The following CTSC variants were observed in gnomAD, a reference collection of about 807,000 sequenced individuals.
CTSC encodes dipeptidyl peptidase 1.
CTSC carries 37 observed loss-of-function variants against 40.9 expected under a neutral mutation model. The observed-to-expected ratio is 0.91, with a 90% CI of 0.70 to 1.19. The LOEUF is 1.19. Among genes scored for constraint, CTSC ranks in the 50% most tolerant of loss-of-function variants. The pLI is 0.00. For missense variants in CTSC, 594 were observed against 567.3 expected, an observed-to-expected ratio of 1.05 and a Z score of -0.48; for synonymous variants, 232 against 207.4, an observed-to-expected ratio of 1.12 and a Z score of -1.02.
chr11:88,325,142 A>G, intron 2 of CTSC: 1 of 985,248 alleles, frequency 1.0e-6, no homozygotes, highest in Non-Finnish European at 1.2e-6. Context: ...ATTCGGCAGG[A>G]AAGAGCTAGA....
chr11:88,329,882 A>G (rs924790037), intron 2 of CTSC, among the ~76,000 whole-genome samples: 2 of 152,134 alleles, frequency 1.3e-5, no homozygotes, highest in Admixed American at 1.3e-4. Context: ...GTGCGCTGCT[A>G]TGCCTGGCTA....
intron 2 of CTSC, among the ~76,000 whole-genome samples, chr11:88,318,389 T>C (rs56947686): frequency 6.6e-6 from 1 of 152,176 alleles, no homozygotes; most frequent in African/African-American, 2.4e-5. Context: ...ATAGATGAAA[T>C]TGAAGTTGGA....
At chr11:88,302,109 G>T (rs1177183888) in intron 4 of CTSC, among the ~76,000 whole-genome samples, 2 of 152,068 alleles carry the variant, frequency 1.3e-5, no homozygotes, top group African/African-American at 4.8e-5. Flanking sequence ...TCACAATGTG[G>T]TAAAAATTAT....
chr11:88,299,100 A>T, intron 5 of CTSC: 1 of 152,172 alleles, frequency 6.6e-6, no homozygotes, highest in Middle Eastern at 3.2e-3. Flanking sequence ...AAATCCTAAT[A>T]TATTTTAGAT....
Position 88,337,664 on chromosome 11 carries a change from A to C in CTSC, c.9T>G (p.Ala3=). 6.3e-7 allele frequency: 1 copy of C among 1,577,146 alleles called. No homozygotes were observed. The highest frequency in any genetic ancestry group is 8.6e-7 in the Non-Finnish European group (1 of 1,160,980). Residue 3 remains alanine, a synonymous_variant, in exon 1 of 7, where the codon GCT becomes GCG. Coordinates refer to ENST00000227266, the MANE Select transcript of CTSC (RefSeq NM_001814.6). ...GGGCGGCGAGCAGCAAGGAGGGCCC[A>C]GCACCCATGCTGCAGGGAGCTGAGA... MG[A]GPSLLLAALL...
intron 2 of CTSC, chr11:88,320,673 A>G (rs1307466816): frequency 3.8e-6 from 1 of 262,366 alleles, no homozygotes; most frequent in Non-Finnish European, 5.9e-6. Flanking sequence ...ACATAAATAA[A>G]TAAATAGAAT....
chr11:88,334,957 T>A lies in CTSC; in HGVS notation c.298A>T (p.Lys100Ter), dbSNP rs749414269. The change falls in exon 2 of 7, where the codon AAG becomes TAG. Residue 100 changes from lysine to a stop codon, truncating the protein, a stop_gained. Coordinates refer to ENST00000227266, the MANE Select transcript of CTSC (RefSeq NM_001814.6). LOFTEE classifies it high-confidence loss of function. Reference protein sequence around the residue: ...QGFEIVLNDYKWFAFFKYKEE... With the variant: ...QGFEIVLNDY ...CTAACCTTAAAAAAGGCAAACCACT[T>A]GTAGTCATTCAACACAATCTCAAAG... The A allele has an allele frequency of 6.2e-7, 1 of 1,612,978 alleles. No homozygotes were observed. Among genetic ancestry groups the A allele is most frequent in the East Asian group, 2.2e-5 (1 of 44,838 alleles).
intron 2 of CTSC, among the ~76,000 whole-genome samples, chr11:88,316,003 T>C (rs1217129403): frequency 3.3e-5 from 5 of 151,992 alleles, no homozygotes; most frequent in Non-Finnish European, 2.9e-5. Flanking sequence ...TTATCCATTG[T>C]ATTCTCTAAA....
intron 2 of CTSC, among the ~76,000 whole-genome samples, chr11:88,318,372 G>C (rs150546667): frequency 5.8e-4 from 89 of 152,284 alleles, no homozygotes; most frequent in African/African-American, 2.0e-3. Context: ...GGACTGCTAT[G>C]AAAGATATAG....
intron 2 of CTSC, among the ~76,000 whole-genome samples, chr11:88,313,428 G>A (rs768768582): frequency 6.6e-6 from 1 of 152,204 alleles, no homozygotes; most frequent in African/African-American, 2.4e-5. Flanking sequence ...GGGGGCTAAA[G>A]TAACCTGAGT....
intron 6 of CTSC, among the ~76,000 whole-genome samples, chr11:88,295,444 A>G (rs568519507): frequency 6.6e-6 from 1 of 152,000 alleles, no homozygotes; most frequent in South Asian, 2.1e-4. Flanking sequence ...CAGTGGCATG[A>G]TATCGGCTCA....
At chr11:88,320,681 AATAAAAT>A (rs1373836646) in intron 2 of CTSC, 4 of 277,352 alleles carry the variant, frequency 1.4e-5, no homozygotes, top group Non-Finnish European at 2.2e-5. Context: ...AAATAAATAG[AATAAAAT>A]ATAAAAGTCT....
intron 2 of CTSC, among the ~76,000 whole-genome samples, chr11:88,326,967 C>T (rs1002602136): frequency 6.6e-6 from 1 of 151,240 alleles, no homozygotes; most frequent in Non-Finnish European, 1.5e-5. Flanking sequence ...GCTTATTTTT[C>T]GTGGAAAAAA....
intron 2 of CTSC, chr11:88,322,464 G>T (rs533519391): frequency 6.6e-6 from 1 of 152,174 alleles, no homozygotes; most frequent in South Asian, 2.1e-4. Flanking sequence ...TCTGCATATG[G>T]CTAGCCAGAT....
At chr11:88,300,726 G>T in intron 4 of CTSC, 81 bp from the exon 5 acceptor site, 1 of 903,700 alleles carries the variant, frequency 1.1e-6, no homozygotes, top group South Asian at 1.4e-5. Context: ...ATAATTCTAT[G>T]ATTTCAGCTA....
At chr11:88,326,890 G>A (rs914113538) in intron 2 of CTSC, among the ~76,000 whole-genome samples, 7 of 152,122 alleles carry the variant, frequency 4.6e-5, no homozygotes, top group African/African-American at 1.7e-4. Context: ...TGGTGGAGCG[G>A]TCTCCCTAAC....
At chr11:88,334,652 T>C in intron 2 of CTSC, 2 of 357,900 alleles carry the variant, frequency 5.6e-6, no homozygotes, top group Non-Finnish European at 1.0e-5. Context: ...AAAGTGGTAG[T>C]AATAAGGAAA....
intron 2 of CTSC, among the ~76,000 whole-genome samples, chr11:88,331,720 G>C (rs758751948): frequency 3.3e-5 from 5 of 152,154 alleles, no homozygotes; most frequent in Non-Finnish European, 7.3e-5. Flanking sequence ...AACCTAACAA[G>C]GCCTGTCTGT....
chr11:88,305,175 C>G (rs1378414518), intron 4 of CTSC, among the ~76,000 whole-genome samples: 1 of 152,086 alleles, frequency 6.6e-6, no homozygotes. Context: ...ATAATCCATC[C>G]CTTGTTTAGC....
Sources: allele counts gnomAD v4.1 joint callset (sites outside exome capture counted in the v4.1 genomes callset), GRCh38; gene constraint gnomAD v4.1.1; transcripts MANE v1.5; gene names NCBI Gene and HGNC (gene_info 2026-07-23, HGNC 2026-07-21).